The following TNRC6A variants were observed in gnomAD, a reference collection of about 807,000 sequenced individuals.
TNRC6A encodes trinucleotide repeat-containing gene 6A protein.
Under a neutral mutation model 221.2 loss-of-function variants are expected in TNRC6A, and 44 were observed. That is an observed-to-expected ratio of 0.20 (90% CI 0.16 to 0.26). TNRC6A has a LOEUF of 0.26. Among genes scored for constraint, TNRC6A ranks in the 10% least tolerant of loss-of-function variants. The probability of loss-of-function intolerance (pLI) is 1.00; values close to 1 mark genes in which losing one functional copy is unlikely to be tolerated. For synonymous variants in TNRC6A, 847 were observed against 838.5 expected (o/e 1.01, Z -0.18); for missense variants, 2,199 against 2,404.4 (o/e 0.91, Z 1.79).
chr16:24,712,679 C>T (rs1421053950), intron 2 of TNRC6A, among the ~76,000 whole-genome samples: 1 of 151,998 alleles, frequency 6.6e-6, no homozygotes, highest in Non-Finnish European at 1.5e-5. Flanking sequence ...TTAATTTTAC[C>T]CTTTTTGTTG....
chr16:24,813,241 A>AGAGGTATATTGCATACTGCTG, intron 18 of TNRC6A, among the ~76,000 whole-genome samples: 1 of 152,140 alleles, frequency 6.6e-6, no homozygotes, highest in South Asian at 2.1e-4. Flanking sequence ...GCATACTGCT[A>AGAGGTATATTGCATACTGCTG]GAGATATATT....
rs763528225 is a variant in TNRC6A at position 24,767,929 on chromosome 16, T to C, written c.164-9004T>C. 1.7e-4 allele frequency among the ~76,000 whole-genome samples: 26 copies of C among 152,192 alleles called. 1 individual carries two copies. The highest frequency in any genetic ancestry group is 2.8e-4 in the Non-Finnish European group (19 of 68,026). ...TGAAGCTCTCTAGAGATTGCTACAG[T>C]GTCTTCCAGAACTGTTTTCCAGACT... On this transcript the variant is annotated intron_variant, in intron 4 of 24. Transcript: ENST00000395799.
intron 2 of TNRC6A, among the ~76,000 whole-genome samples, chr16:24,712,898 T>C (rs1329621930): frequency 6.8e-6 from 1 of 148,060 alleles, no homozygotes; most frequent in African/African-American, 2.5e-5. Context: ...GGGCCATAGT[T>C]ATGTGCCACT....
intron 2 of TNRC6A, among the ~76,000 whole-genome samples, chr16:24,696,364 A>AAG: frequency 6.9e-6 from 1 of 144,700 alleles, no homozygotes; most frequent in African/African-American, 2.6e-5. Flanking sequence ...AAAAAAAAAA[A>AAG]AAAGAAAGTA....
intron 2 of TNRC6A, among the ~76,000 whole-genome samples, chr16:24,681,295 T>A (rs909595740): frequency 3.3e-5 from 5 of 152,178 alleles, no homozygotes; most frequent in African/African-American, 9.7e-5. Context: ...TGGCGTGATC[T>A]CGGCTCACTG....
At chr16:24,758,146 A>T (rs974457320) in intron 3 of TNRC6A, among the ~76,000 whole-genome samples, 193 bp from the exon 4 acceptor site, 8 of 152,318 alleles carry the variant, frequency 5.3e-5, no homozygotes, top group African/African-American at 1.9e-4. Context: ...AGTATCAGGG[A>T]TAATGGGGCA....
intron 2 of TNRC6A, among the ~76,000 whole-genome samples, chr16:24,674,320 A>C (rs58006672): frequency 6.6e-6 from 1 of 151,798 alleles, no homozygotes; most frequent in African/African-American, 2.4e-5. Context: ...ATAGAGGATC[A>C]CTTGAGCCCA....
At chr16:24,700,768 C>T (rs188822772) in intron 2 of TNRC6A, among the ~76,000 whole-genome samples, 4 of 152,268 alleles carry the variant, frequency 2.6e-5, no homozygotes, top group South Asian at 2.1e-4. Flanking sequence ...ATGTTTCAGC[C>T]GATCCCTGAC....
intron 1 of TNRC6A, among the ~76,000 whole-genome samples, chr16:24,639,867 G>C (rs2141742600): frequency 6.6e-6 from 1 of 152,266 alleles, no homozygotes; most frequent in South Asian, 2.1e-4. Context: ...ATGTTGCCCA[G>C]ACTGGTCTCA....
chr16:24,708,531 G>T (rs907120491), intron 2 of TNRC6A, among the ~76,000 whole-genome samples: 1 of 151,922 alleles, frequency 6.6e-6, no homozygotes. Flanking sequence ...GTGAGCCACC[G>T]CCCCCAGCCA....
chr16:24,810,544 T>C (rs1253646121), intron 18 of TNRC6A, among the ~76,000 whole-genome samples: 1 of 152,160 alleles, frequency 6.6e-6, no homozygotes, highest in Non-Finnish European at 1.5e-5. Context: ...GTGGTGGGTC[T>C]AGAAAGGTGA....
chr16:24,641,403 C>T (rs1188705782), intron 2 of TNRC6A, among the ~76,000 whole-genome samples: 4 of 151,954 alleles, frequency 2.6e-5, no homozygotes, highest in Admixed American at 1.3e-4. Context: ...CACGGGGAGA[C>T]CAGTTAGGAG....
At chr16:24,771,848 A>G (rs1469634451) in intron 4 of TNRC6A, among the ~76,000 whole-genome samples, 1 of 152,094 alleles carries the variant, frequency 6.6e-6, no homozygotes, top group Non-Finnish European at 1.5e-5. Context: ...ATTTTGGTAA[A>G]TTATATTTGA....
chr16:24,764,473 CGT>C (rs2057430168), intron 4 of TNRC6A, among the ~76,000 whole-genome samples: 1 of 151,702 alleles, frequency 6.6e-6, no homozygotes, highest in Non-Finnish European at 1.5e-5. Context: ...ATTACAGGCG[CGT>C]ACCACCACAC....
chr16:24,702,312 G>A (rs2056002321), intron 2 of TNRC6A, among the ~76,000 whole-genome samples: 1 of 151,252 alleles, frequency 6.6e-6, no homozygotes, highest in African/African-American at 2.4e-5. Flanking sequence ...CGAGTAGCTG[G>A]GACTTCAGGC....
At chr16:24,816,258 G>A (rs2058656103) in intron 19 of TNRC6A, 1 of 151,910 alleles carries the variant, frequency 6.6e-6, no homozygotes, top group Non-Finnish European at 1.5e-5. Flanking sequence ...GAACACAGGA[G>A]GCGGAGCTCG....
At chr16:24,713,893 G>A (rs146485430) in intron 2 of TNRC6A, among the ~76,000 whole-genome samples, 186 of 152,252 alleles carry the variant, frequency 1.2e-3, no homozygotes, top group Middle Eastern at 6.8e-3. Context: ...TGATCCACCC[G>A]CCTCAGCCTC....
intron 2 of TNRC6A, among the ~76,000 whole-genome samples, chr16:24,715,422 T>G (rs1183646255): frequency 1.3e-5 from 2 of 151,908 alleles, no homozygotes; most frequent in African/African-American, 4.8e-5. Flanking sequence ...CAGCATCTGT[T>G]AAGAGTTAAC....
chr16:24,661,974 C>A (rs1007922965), intron 2 of TNRC6A: 1 of 151,956 alleles, frequency 6.6e-6, no homozygotes, highest in African/African-American at 2.4e-5. Context: ...GGAAGGAGGA[C>A]TCCTAGAGCC....
Sources: allele counts gnomAD v4.1 joint callset (sites outside exome capture counted in the v4.1 genomes callset), GRCh38; gene constraint gnomAD v4.1.1; transcripts MANE v1.5; gene names NCBI Gene and HGNC (gene_info 2026-07-23, HGNC 2026-07-21).